The following PBX1 variants were observed in gnomAD, a reference collection of about 807,000 sequenced individuals.
PBX1 encodes the protein pre-B-cell leukemia transcription factor 1.
A neutral mutation model predicts 53.4 loss-of-function variants in PBX1; 6 were observed. The observed-to-expected ratio is 0.11, with a 90% confidence interval of 0.06 to 0.22. The LOEUF is 0.22. PBX1 is among the 10% of genes least tolerant of loss of function. The pLI is 1.00. For missense variants in PBX1, 251 were observed against 551.4 expected (o/e 0.46, Z 5.46); for synonymous variants, 204 against 212.3 (o/e 0.96, Z 0.34).
intron 2 of PBX1, among the ~76,000 whole-genome samples, chr1:164,861,169 C>G (rs1672087411): frequency 6.6e-6 from 1 of 151,984 alleles, no homozygotes; most frequent in African/African-American, 2.4e-5. Flanking sequence ...TATGTCGCCT[C>G]CTTTCTCCCT....
intron 2 of PBX1, among the ~76,000 whole-genome samples, chr1:164,779,436 T>C (rs1281490612): frequency 2.0e-5 from 3 of 152,046 alleles, no homozygotes; most frequent in African/African-American, 7.3e-5. Flanking sequence ...CAGTCACACT[T>C]TGTGCGGGTT....
intron 2 of PBX1, among the ~76,000 whole-genome samples, chr1:164,748,239 A>G (rs1666004376): frequency 6.6e-6 from 1 of 152,224 alleles, no homozygotes; most frequent in Non-Finnish European, 1.5e-5. Flanking sequence ...GTACAATACA[A>G]AAGGTGTGTG....
At chr1:164,587,521 C>G (rs2101757374) in intron 2 of PBX1, among the ~76,000 whole-genome samples, 1 of 152,052 alleles carries the variant, frequency 6.6e-6, no homozygotes, top group Middle Eastern at 3.4e-3. Flanking sequence ...TTGTTGTTAG[C>G]TGATGATCTT....
intron 2 of PBX1, among the ~76,000 whole-genome samples, chr1:164,589,342 TG>T (rs1176078520): frequency 6.6e-6 from 1 of 151,878 alleles, no homozygotes; most frequent in Non-Finnish European, 1.5e-5. Context: ...GAGTATGGGA[TG>T]ATCAGTAAGG....
At position 164,821,603 on chromosome 1, in the gene PBX1, A is replaced by T; in HGVS notation, c.1177A>T (p.Met393Leu). ...GYSDGLAASQ[M>L]YSPQGISANG... Reference sequence around the variant, plus strand: ...CAGTGATGGACTCGCAGCCAGTCAGATGTACAGTCCGCAGGGCATCAGTGT... The same window carrying T: ...CAGTGATGGACTCGCAGCCAGTCAGTTGTACAGTCCGCAGGGCATCAGTGT... The change falls in exon 8 of 9, where the codon ATG becomes TTG. Residue 393 changes from methionine to leucine, a missense_variant. Around this residue, in one of 4 missense-constraint regions of PBX1, gnomAD observed 92 missense variants for 130.4 expected, o/e 0.71. Transcript: ENST00000420696. 1.2e-6 allele frequency: 2 copies of T among 1,613,972 alleles called. No individual in the cohort carries two copies. Among genetic ancestry groups the T allele is most frequent in the Non-Finnish European group, 1.7e-6 (2 of 1,179,864 alleles).
chr1:164,568,736 A>G (rs1178747965), intron 2 of PBX1, among the ~76,000 whole-genome samples: 1 of 152,222 alleles, frequency 6.6e-6, no homozygotes, highest in Non-Finnish European at 1.5e-5. Flanking sequence ...GTAATGGGGT[A>G]ATCGATCGTC....
intron 8 of PBX1, among the ~76,000 whole-genome samples, chr1:164,834,072 TTCA>T (rs1670908652): frequency 1.3e-5 from 2 of 149,846 alleles, no homozygotes; most frequent in Non-Finnish European, 1.5e-5. Context: ...TGTGTGTGTA[TTCA>T]GAGCTCAGAT....
At chr1:164,651,204 C>G (rs955578808) in intron 2 of PBX1, among the ~76,000 whole-genome samples, 1 of 152,156 alleles carries the variant, frequency 6.6e-6, no homozygotes, top group East Asian at 1.9e-4. Context: ...GATCTCACCC[C>G]CCTCCCCATT....
At chr1:164,775,649 A>G (rs957569737) in intron 2 of PBX1, among the ~76,000 whole-genome samples, 2 of 152,120 alleles carry the variant, frequency 1.3e-5, no homozygotes, top group African/African-American at 4.8e-5. Flanking sequence ...TGTTGGCGTG[A>G]TTTATGCTGG....
At chr1:164,625,180 G>A (rs1326074578) in intron 2 of PBX1, among the ~76,000 whole-genome samples, 3 of 152,108 alleles carry the variant, frequency 2.0e-5, no homozygotes, top group Non-Finnish European at 2.9e-5. Flanking sequence ...AAAAGAGGGA[G>A]GCTTGCAGTA....
At chr1:164,590,908 G>A (rs947563613) in intron 2 of PBX1, among the ~76,000 whole-genome samples, 3 of 152,066 alleles carry the variant, frequency 2.0e-5, no homozygotes, top group Non-Finnish European at 4.4e-5. Context: ...GCAGTGGTGC[G>A]ATCTCGGCTC....
intron 2 of PBX1, among the ~76,000 whole-genome samples, chr1:164,567,090 C>A (rs1270704253): frequency 4.6e-5 from 7 of 152,148 alleles, no homozygotes; most frequent in African/African-American, 1.7e-4. Context: ...TCGCCTGCCA[C>A]TTCTTTTTAA....
chr1:164,622,822 CTTTTT>C (rs11299132), intron 2 of PBX1, among the ~76,000 whole-genome samples: 2 of 106,282 alleles, frequency 1.9e-5, no homozygotes, highest in African/African-American at 3.7e-5. Context: ...CAGTTTCCAT[CTTTTT>C]TTTTTTTTTT....
chr1:164,687,444 C>T (rs1662174116), intron 2 of PBX1, among the ~76,000 whole-genome samples: 1 of 151,626 alleles, frequency 6.6e-6, no homozygotes, highest in Non-Finnish European at 1.5e-5. Flanking sequence ...CGCCTATGGT[C>T]CCAGCTACTG....
intron 2 of PBX1, among the ~76,000 whole-genome samples, chr1:164,858,090 C>T (rs1672015277): frequency 6.6e-6 from 1 of 152,102 alleles, no homozygotes; most frequent in Non-Finnish European, 1.5e-5. Flanking sequence ...AGCCTGGCTG[C>T]TAAGATCTTA....
intron 8 of PBX1, among the ~76,000 whole-genome samples, chr1:164,827,890 C>T (rs1392070243): frequency 1.3e-5 from 2 of 152,196 alleles, no homozygotes; most frequent in Non-Finnish European, 2.9e-5. Flanking sequence ...CATGGTACAT[C>T]CAGGTCAAAT....
At chr1:164,692,697 G>A (rs1015066948) in intron 2 of PBX1, among the ~76,000 whole-genome samples, 1 of 152,086 alleles carries the variant, frequency 6.6e-6, no homozygotes, top group Non-Finnish European at 1.5e-5. Context: ...GCAAGACTTG[G>A]CAATGTATGG....
intron 2 of PBX1, among the ~76,000 whole-genome samples, chr1:164,785,498 G>C (rs1450526957): frequency 6.6e-6 from 1 of 152,196 alleles, no homozygotes; most frequent in Non-Finnish European, 1.5e-5. Flanking sequence ...ATCAGAGGAA[G>C]AAGTGTATGT....
In PBX1 at chr1:164,848,022, A is replaced by AC. The variant is rs1671655236; in HGVS notation, c.*1347dup. 9.5e-7 allele frequency: 1 copy of AC among 1,050,304 alleles called. No homozygotes were observed. Among genetic ancestry groups the AC allele is most frequent in the Admixed American group, 5.5e-5 (1 of 18,180 alleles). 65.1% of individuals were successfully genotyped at this position (1,050,304 alleles called of 1,614,324 possible). A position where few individuals can be genotyped will look rare whatever the true frequency, so the allele number is the denominator to read the frequency against. Reference sequence around the variant, plus strand: ...TATTAATTTTCCAAAATGTTATACCACACTATGTTCTTGGTCCTGACCTAT... The same window carrying AC: ...TATTAATTTTCCAAAATGTTATACCACCACTATGTTCTTGGTCCTGACCTAT... On this transcript the variant is annotated 3_prime_UTR_variant, in exon 9 of 9. Coordinates refer to ENST00000420696, the MANE Select transcript of PBX1 (RefSeq NM_002585.4).
Sources: allele counts gnomAD v4.1 joint callset (sites outside exome capture counted in the v4.1 genomes callset), GRCh38; gene constraint gnomAD v4.1.1; regional missense constraint gnomAD v4.1.1; transcripts MANE v1.5; gene names NCBI Gene and HGNC (gene_info 2026-07-23, HGNC 2026-07-21).